The following CSMD1 variants were observed in gnomAD, a reference collection of about 807,000 sequenced individuals.
CSMD1 encodes the protein CUB and sushi domain-containing protein 1.
Under a neutral mutation model 417.5 loss-of-function variants are expected in CSMD1, and 213 were observed. That is an observed-to-expected ratio of 0.51 (90% CI 0.46 to 0.57). The LOEUF is 0.57. Ranked by LOEUF, CSMD1 falls within the 20% of genes least tolerant of loss-of-function variation. The pLI is 0.00. For missense variants in CSMD1, 6,923 were observed against 4,529.7 expected (o/e 1.53, Z -15.17); for synonymous variants, 2,862 against 1,736.8 (o/e 1.65, Z -16.11).
At chr8:2,950,589 T>G (rs1233833429) in intron 66 of CSMD1, among the ~76,000 whole-genome samples, 2 of 152,150 alleles carry the variant, frequency 1.3e-5, no homozygotes, top group Non-Finnish European at 2.9e-5. Context: ...ATATCCTTAT[T>G]CCACAGAAAG....
rs1288489583 is a variant in CSMD1, at chr8:4,508,092, A to AG, written c.303-88028_303-88027insC. ...GAGCTATGTAGAAAAAAAATACCAA[A>AG]AAAAAAAAAAACCCCAAAAAACAAA... On this transcript the variant is annotated intron_variant, in intron 2 of 69. Transcript: ENST00000635120. 2.7e-5 allele frequency among the ~76,000 whole-genome samples: 4 copies of AG among 149,690 alleles called. No individual in the cohort carries two copies. The South Asian group carries it at 6.3e-4, about 23-fold the overall frequency.
chr8:4,125,739 T>A (rs1802726440), intron 3 of CSMD1, among the ~76,000 whole-genome samples: 1 of 152,136 alleles, frequency 6.6e-6, no homozygotes, highest in Non-Finnish European at 1.5e-5. Context: ...ACAGTTTGAC[T>A]CTGAAACAAA....
intron 3 of CSMD1, among the ~76,000 whole-genome samples, chr8:4,246,714 T>A (rs540813934): frequency 6.6e-6 from 1 of 152,288 alleles, no homozygotes; most frequent in African/African-American, 2.4e-5. Flanking sequence ...TTTTTTAATT[T>A]ATCATTGGAA....
At chr8:4,220,284 C>A (rs759642217) in intron 3 of CSMD1, among the ~76,000 whole-genome samples, 1 of 152,248 alleles carries the variant, frequency 6.6e-6, no homozygotes, top group African/African-American at 2.4e-5. Context: ...TCAGTGAGGC[C>A]TTCCTGACAA....
At chr8:3,664,211 T>G (rs1479357183) in intron 7 of CSMD1, among the ~76,000 whole-genome samples, 1 of 152,110 alleles carries the variant, frequency 6.6e-6, no homozygotes. Flanking sequence ...GGCCCCTGTG[T>G]GTGATGTTCC....
chr8:3,547,683 G>T lies in CSMD1; in HGVS notation c.1344+27262C>A, dbSNP rs180871998. ...TTTAAATATACTACAACCTTTCTTT[G>T]GAGTTAAATCTACTAAGCCTACCTA... is the stretch of plus-strand genomic sequence containing the variant. On this transcript the variant is annotated intron_variant, in intron 10 of 69. Transcript: ENST00000635120. 3.3e-5 allele frequency among the ~76,000 whole-genome samples: 5 copies of T among 152,136 alleles called. No individual in the cohort carries two copies. In the East Asian group the frequency reaches 9.6e-4, roughly 29 times the overall value.
chr8:4,047,644 G>C (rs778503649), intron 3 of CSMD1, among the ~76,000 whole-genome samples: 2 of 152,042 alleles, frequency 1.3e-5, no homozygotes, highest in Non-Finnish European at 2.9e-5. Flanking sequence ...ATCGCCCTCA[G>C]TGAGTATATT....
intron 17 of CSMD1, among the ~76,000 whole-genome samples, chr8:3,393,304 C>A (rs1356662104): frequency 6.6e-6 from 1 of 152,174 alleles, no homozygotes; most frequent in South Asian, 2.1e-4. Flanking sequence ...GAGGCCTCTG[C>A]TCACTTCTGT....
chr8:4,191,168 A>G lies in CSMD1; in HGVS notation c.416-159069T>C, dbSNP rs147381084. Among the ~76,000 whole-genome samples the G allele has an allele frequency of 1.1e-3, 160 of 152,286 alleles. 1 individual carries two copies. The East Asian group carries it at 0.029, about 28-fold the overall frequency. On this transcript the variant is annotated intron_variant, in intron 3 of 69. Coordinates refer to ENST00000635120, the MANE Select transcript of CSMD1 (RefSeq NM_033225.6). ...TCCCAGCACTTTGGGAGGCCGAGGC[A>G]GGTGGATCACGACGTCAGGAGATTG...
chr8:3,535,060 G>A (rs979094407), intron 10 of CSMD1, among the ~76,000 whole-genome samples: 1 of 152,110 alleles, frequency 6.6e-6, no homozygotes, highest in African/African-American at 2.4e-5. Context: ...CCAGTCTCCT[G>A]CCTCAGCCTA....
At chr8:3,132,702 G>A (rs1358984249) in intron 41 of CSMD1, among the ~76,000 whole-genome samples, 1 of 152,158 alleles carries the variant, frequency 6.6e-6, no homozygotes, top group African/African-American at 2.4e-5. Context: ...TTTATTACCT[G>A]AGCAATTGTA....
At chr8:3,458,106 C>T (rs370763174) in intron 12 of CSMD1, among the ~76,000 whole-genome samples, 3 of 152,272 alleles carry the variant, frequency 2.0e-5, no homozygotes, top group East Asian at 1.9e-4. Context: ...AGCCCCGCAG[C>T]GCTTAACCTC....
At chr8:4,017,177 C>T (rs982385914) in intron 4 of CSMD1, among the ~76,000 whole-genome samples, 1 of 152,042 alleles carries the variant, frequency 6.6e-6, no homozygotes, top group African/African-American at 2.4e-5. Context: ...TATGTTGAAG[C>T]TTCCTTCTAG....
chr8:4,964,867 G>A (rs993138790), intron 1 of CSMD1, among the ~76,000 whole-genome samples: 1 of 152,154 alleles, frequency 6.6e-6, no homozygotes, highest in South Asian at 2.1e-4. Flanking sequence ...AATTGCTCCA[G>A]CTGTATTTGA....
At chr8:3,842,464 G>C (rs1185706309) in intron 5 of CSMD1, among the ~76,000 whole-genome samples, 1 of 152,052 alleles carries the variant, frequency 6.6e-6, no homozygotes, top group Non-Finnish European at 1.5e-5. Context: ...TATTCTCATT[G>C]TTCATTACTA....
At chr8:3,168,691 G>C (rs1490948695) in intron 37 of CSMD1, among the ~76,000 whole-genome samples, 1 of 151,544 alleles carries the variant, frequency 6.6e-6, no homozygotes, top group Admixed American at 6.6e-5. Flanking sequence ...TAATAACATA[G>C]TACCTTATGA....
intron 1 of CSMD1, among the ~76,000 whole-genome samples, chr8:4,792,260 A>G (rs1797732196): frequency 6.6e-6 from 1 of 152,240 alleles, no homozygotes; most frequent in Admixed American, 6.5e-5. Flanking sequence ...TGATAAAACA[A>G]GCAAACACAT....
At chr8:3,522,192 T>C (rs773835448) in intron 10 of CSMD1, among the ~76,000 whole-genome samples, 5 of 152,224 alleles carry the variant, frequency 3.3e-5, no homozygotes, top group Non-Finnish European at 4.4e-5. Flanking sequence ...AAAATCGTTA[T>C]ATGATTAAAT....
At chr8:4,819,314 G>C (rs1284909516) in intron 1 of CSMD1, among the ~76,000 whole-genome samples, 1 of 152,076 alleles carries the variant, frequency 6.6e-6, no homozygotes, top group African/African-American at 2.4e-5. Context: ...AATTGTATTA[G>C]ACAACATAGC....
Sources: allele counts gnomAD v4.1 joint callset (sites outside exome capture counted in the v4.1 genomes callset), GRCh38; gene constraint gnomAD v4.1.1; transcripts MANE v1.5; gene names NCBI Gene and HGNC (gene_info 2026-07-23, HGNC 2026-07-21).